Variants in AKT3 observed in about 807,000 individuals in gnomAD.
AKT3 encodes AKT serine/threonine kinase 3.
Under a neutral mutation model 65.3 loss-of-function variants are expected in AKT3, and 15 were observed. That is an observed-to-expected ratio of 0.23 (90% CI 0.15 to 0.35). The LOEUF (loss-of-function observed/expected upper bound fraction) is 0.35. Ranked by LOEUF, AKT3 falls within the 10% of genes least tolerant of loss-of-function variation. The pLI is 1.00. For missense variants in AKT3, 243 were observed against 576.5 expected (o/e 0.42, Z 5.92); for synonymous variants, 206 against 183.8 (o/e 1.12, Z -0.98).
intron 2 of AKT3, among the ~76,000 whole-genome samples, chr1:243,809,347 C>T (rs892873161): frequency 6.6e-6 from 1 of 151,830 alleles, no homozygotes; most frequent in African/African-American, 2.4e-5. Flanking sequence ...ATCTACCAAG[C>T]AAATGGAAAA....
At chr1:243,796,238 AAAT>A (rs1273070036) in intron 2 of AKT3, among the ~76,000 whole-genome samples, 1 of 152,208 alleles carries the variant, frequency 6.6e-6, no homozygotes, top group Non-Finnish European at 1.5e-5. Flanking sequence ...AGGGATTAGG[AAAT>A]AAGAAGAGAT....
intron 2 of AKT3, among the ~76,000 whole-genome samples, chr1:243,753,026 A>G (rs1254102850): frequency 6.6e-6 from 1 of 152,168 alleles, no homozygotes; most frequent in Non-Finnish European, 1.5e-5. Flanking sequence ...TACCAGTCAC[A>G]AGGTCTTCAT....
intron 2 of AKT3, among the ~76,000 whole-genome samples, chr1:243,767,262 C>T (rs1689887152): frequency 6.6e-6 from 1 of 152,028 alleles, no homozygotes; most frequent in African/African-American, 2.4e-5. Context: ...ATGAATGTTT[C>T]AATGAGGAGG....
intron 12 of AKT3, among the ~76,000 whole-genome samples, chr1:243,531,576 TTTTG>T (rs1671534594): frequency 6.6e-6 from 1 of 152,184 alleles, no homozygotes; most frequent in Non-Finnish European, 1.5e-5. Flanking sequence ...ATCCTCAGTA[TTTTG>T]TTTTTCTGTG....
chr1:243,679,624 C>G (rs1361654372), intron 3 of AKT3, among the ~76,000 whole-genome samples: 3 of 152,144 alleles, frequency 2.0e-5, no homozygotes, highest in Non-Finnish European at 4.4e-5. Flanking sequence ...ATTATTGGAA[C>G]AAGGCTGAGA....
intron 8 of AKT3, among the ~76,000 whole-genome samples, chr1:243,577,855 C>G (rs1306222554): frequency 6.6e-6 from 1 of 151,926 alleles, no homozygotes; most frequent in African/African-American, 2.4e-5. Context: ...AAAAAAATCC[C>G]CATTCAAAAG....
intron 2 of AKT3, among the ~76,000 whole-genome samples, chr1:243,829,745 T>C (rs1558852439): frequency 6.6e-6 from 1 of 152,174 alleles, no homozygotes; most frequent in Non-Finnish European, 1.5e-5. Context: ...CCTTCACATA[T>C]TAGTGCTAGG....
chr1:243,537,316 T>A (rs1306339244), intron 12 of AKT3, among the ~76,000 whole-genome samples: 5 of 152,094 alleles, frequency 3.3e-5, no homozygotes, highest in Non-Finnish European at 5.9e-5. Context: ...CTAATTAAAC[T>A]CTGAATTTCC....
intron 11 of AKT3, among the ~76,000 whole-genome samples, chr1:243,547,621 G>A (rs555907187): frequency 6.6e-5 from 10 of 152,118 alleles, no homozygotes; most frequent in African/African-American, 1.9e-4. Context: ...TACTAAATAC[G>A]CATCAGTTTC....
At chr1:243,528,980 G>A (rs1018270561) in intron 12 of AKT3, among the ~76,000 whole-genome samples, 3 of 152,018 alleles carry the variant, frequency 2.0e-5, no homozygotes, top group African/African-American at 2.4e-5. Context: ...TTTTGACTTT[G>A]TAATGAGGGC....
chr1:243,590,971 C>T (rs892649936), intron 8 of AKT3, among the ~76,000 whole-genome samples: 1 of 152,084 alleles, frequency 6.6e-6, no homozygotes, highest in African/African-American at 2.4e-5. Context: ...GAAACAATGT[C>T]CAGGCTGTAA....
chr1:243,726,389 T>G (rs542000444), intron 2 of AKT3, among the ~76,000 whole-genome samples: 2 of 152,352 alleles, frequency 1.3e-5, no homozygotes, highest in Middle Eastern at 3.4e-3. Flanking sequence ...TTATTTGATC[T>G]GCTTACTAAA....
At chr1:243,520,815 G>A (rs905541965) in intron 12 of AKT3, among the ~76,000 whole-genome samples, 2 of 152,300 alleles carry the variant, frequency 1.3e-5, no homozygotes, top group South Asian at 2.1e-4. Flanking sequence ...TGACAGCAAC[G>A]TTGAAGCTCC....
At chr1:243,848,606 T>C (rs1695613637) in intron 1 of AKT3, among the ~76,000 whole-genome samples, 1 of 152,204 alleles carries the variant, frequency 6.6e-6, no homozygotes, top group African/African-American at 2.4e-5. Flanking sequence ...CAAAACCCAG[T>C]GGTTGCCTAG....
chr1:243,537,343 AT>A (rs1448496224), intron 12 of AKT3, among the ~76,000 whole-genome samples: 1 of 151,894 alleles, frequency 6.6e-6, no homozygotes, highest in Non-Finnish European at 1.5e-5. Context: ...ATTTATTTCC[AT>A]TTTAACTCCC....
At chr1:243,656,314 T>A (rs535810570) in intron 4 of AKT3, among the ~76,000 whole-genome samples, 1 of 152,170 alleles carries the variant, frequency 6.6e-6, no homozygotes, top group Non-Finnish European at 1.5e-5. Context: ...CACCAACTGA[T>A]TAGTTACTTA....
At chr1:243,653,912 C>T (rs1268364696) in intron 4 of AKT3, among the ~76,000 whole-genome samples, 1 of 152,096 alleles carries the variant, frequency 6.6e-6, no homozygotes, top group Non-Finnish European at 1.5e-5. Context: ...TATTTATTTT[C>T]AACCTGTATC....
chr1:243,630,183 A>T (rs1196449602), intron 6 of AKT3, among the ~76,000 whole-genome samples: 14 of 152,188 alleles, frequency 9.2e-5, no homozygotes, highest in Non-Finnish European at 8.8e-5. Flanking sequence ...CAGACCAAAG[A>T]ATGTACTTTA....
At chr1:243,755,727 A>G (rs1689095528) in intron 2 of AKT3, among the ~76,000 whole-genome samples, 1 of 152,178 alleles carries the variant, frequency 6.6e-6, no homozygotes, top group Non-Finnish European at 1.5e-5. Flanking sequence ...CCAGAATAAA[A>G]CTCTAAGACT....
Sources: allele counts gnomAD v4.1 joint callset (sites outside exome capture counted in the v4.1 genomes callset), GRCh38; gene constraint gnomAD v4.1.1; transcripts MANE v1.5; gene names NCBI Gene and HGNC (gene_info 2026-07-23, HGNC 2026-07-21).